BMPR1A: variants seen among roughly 807,000 people sequenced by gnomAD.
BMPR1A encodes the protein bone morphogenetic protein receptor type-1A.
A neutral mutation model predicts 66.0 loss-of-function variants in BMPR1A; 7 were observed. That is an observed-to-expected ratio of 0.11 (90% CI 0.06 to 0.20). BMPR1A has a LOEUF of 0.20. BMPR1A is among the 10% of genes least tolerant of loss of function. The probability of loss-of-function intolerance (pLI) is 1.00; values close to 1 mark genes in which losing one functional copy is unlikely to be tolerated. For missense variants in BMPR1A, 408 were observed against 669.1 expected (o/e 0.61, Z 4.31); for synonymous variants, 200 against 229.7 (o/e 0.87, Z 1.17).
At chr10:86,771,305 T>G (rs1261420811) in intron 1 of BMPR1A, among the ~76,000 whole-genome samples, 1 of 152,228 alleles carries the variant, frequency 6.6e-6, no homozygotes, top group Non-Finnish European at 1.5e-5. Flanking sequence ...TTAGAAAGTT[T>G]TAAATTAATA....
At chr10:86,851,074 C>T (rs1179057998) in intron 2 of BMPR1A, among the ~76,000 whole-genome samples, 7 of 152,134 alleles carry the variant, frequency 4.6e-5, no homozygotes, top group Admixed American at 1.3e-4. Flanking sequence ...TAAGTATATT[C>T]AGGTCCTCCA....
intron 1 of BMPR1A, among the ~76,000 whole-genome samples, chr10:86,787,134 C>T (rs1422857574): frequency 6.6e-6 from 1 of 152,100 alleles, no homozygotes; most frequent in Admixed American, 6.6e-5. Context: ...ATTGAGAGCA[C>T]ACTCTTATAA....
At chr10:86,921,723 G>C (rs758687600) in intron 11 of BMPR1A, 28 bp downstream of exon 11, 4 of 1,613,984 alleles carry the variant, frequency 2.5e-6, no homozygotes. Context: ...TTCTGATTAT[G>C]TTGATTTACT....
intron 2 of BMPR1A, chr10:86,854,666 GA>G: frequency 4.9e-6 from 1 of 204,162 alleles, no homozygotes. Flanking sequence ...TAACGACCTG[GA>G]AAAGCTCATT....
intron 10 of BMPR1A, 77 bp from the exon 11 acceptor site, chr10:86,921,443 T>C: frequency 6.3e-7 from 1 of 1,592,706 alleles, no homozygotes; most frequent in Non-Finnish European, 8.6e-7. Flanking sequence ...GAAGCTTTTA[T>C]AAAATAGGAC....
At chr10:86,873,288 C>T (rs1423904559) in intron 2 of BMPR1A, among the ~76,000 whole-genome samples, 4 of 152,184 alleles carry the variant, frequency 2.6e-5, no homozygotes, top group East Asian at 1.9e-4. Context: ...GTCGGTAATA[C>T]GTACTCCAGA....
chr10:86,761,016 G>C (rs1022933689), intron 1 of BMPR1A, among the ~76,000 whole-genome samples: 1 of 152,166 alleles, frequency 6.6e-6, no homozygotes, highest in Non-Finnish European at 1.5e-5. Context: ...ATGAAAAATG[G>C]ATGCATCTTA....
intron 8 of BMPR1A, 36 bp downstream of exon 8, chr10:86,912,420 T>C: frequency 3.7e-6 from 6 of 1,611,940 alleles, no homozygotes; most frequent in Non-Finnish European, 5.1e-6. Context: ...GAATGGTGTG[T>C]TGATTTAGAA....
At chr10:86,915,733 A>G (rs999169604) in intron 8 of BMPR1A, among the ~76,000 whole-genome samples, 3 of 152,196 alleles carry the variant, frequency 2.0e-5, no homozygotes, top group Non-Finnish European at 4.4e-5. Flanking sequence ...TCTCAAAAAA[A>G]CAGAACAAAA....
intron 2 of BMPR1A, among the ~76,000 whole-genome samples, chr10:86,863,391 C>T (rs372445490): frequency 4.4e-4 from 67 of 152,270 alleles, no homozygotes; most frequent in African/African-American, 1.6e-3. Context: ...TAATTTTATG[C>T]TAATCTAACC....
chr10:86,886,490 A>G (rs1295155415), intron 3 of BMPR1A, among the ~76,000 whole-genome samples: 1 of 152,158 alleles, frequency 6.6e-6, no homozygotes, highest in African/African-American at 2.4e-5. Flanking sequence ...ATTGACATAC[A>G]TTTTGGAGGT....
chr10:86,872,912 T>C (rs1046176871), intron 2 of BMPR1A, among the ~76,000 whole-genome samples: 9 of 152,102 alleles, frequency 5.9e-5, no homozygotes, highest in African/African-American at 2.2e-4. Flanking sequence ...ACCACCACAG[T>C]TGGCCTCATT....
At chr10:86,918,819 C>T (rs866830506) in intron 9 of BMPR1A, among the ~76,000 whole-genome samples, 3 of 152,046 alleles carry the variant, frequency 2.0e-5, no homozygotes, top group South Asian at 4.1e-4. Context: ...GACGGGGTTT[C>T]GCCCTGTTGG....
At chr10:86,861,455 G>A (rs1471898956) in intron 2 of BMPR1A, among the ~76,000 whole-genome samples, 1 of 152,118 alleles carries the variant, frequency 6.6e-6, no homozygotes, top group Non-Finnish European at 1.5e-5. Flanking sequence ...TAAATTTTAC[G>A]TACACATACT....
At chr10:86,895,323 AGG>A (rs1843210937) in intron 5 of BMPR1A, among the ~76,000 whole-genome samples, 1 of 152,104 alleles carries the variant, frequency 6.6e-6, no homozygotes, top group East Asian at 1.9e-4. Flanking sequence ...AGATCATCTG[AGG>A]TCAGGACTTA....
At chr10:86,872,039 C>T (rs1345029575) in intron 2 of BMPR1A, among the ~76,000 whole-genome samples, 13 of 152,184 alleles carry the variant, frequency 8.5e-5, no homozygotes, top group Non-Finnish European at 1.9e-4. Flanking sequence ...TGTTTGATTA[C>T]AGCAGCATTT....
At chr10:86,816,539 T>C (rs1415112330) in intron 1 of BMPR1A, among the ~76,000 whole-genome samples, 1 of 152,126 alleles carries the variant, frequency 6.6e-6, no homozygotes, top group Non-Finnish European at 1.5e-5. Flanking sequence ...ACACTACAGA[T>C]GGGGATTAAG....
chr10:86,765,890 C>G (rs1399121748), intron 1 of BMPR1A, among the ~76,000 whole-genome samples: 1 of 151,924 alleles, frequency 6.6e-6, no homozygotes, highest in African/African-American at 2.4e-5. Flanking sequence ...TCCCCATTTC[C>G]TAAAATGGGG....
At chr10:86,760,244 CTTTCTTTTTTTTT>C (rs779826821) in intron 1 of BMPR1A, among the ~76,000 whole-genome samples, 5,560 of 27,640 alleles carry the variant, frequency 0.2, 114 homozygotes, top group Non-Finnish European at 0.24. Context: ...TTCTTTCTTT[CTTTCTTTTTTTTT>C]TTTTTTTTTT....
Sources: gnomAD v4.1 joint callset for allele counts (sites outside exome capture counted in the v4.1 genomes callset) on GRCh38, gnomAD v4.1.1 for gene constraint, MANE v1.5 for transcripts, NCBI Gene and HGNC (gene_info 2026-07-23, HGNC 2026-07-21) for gene names.